PRKCH: variants seen among roughly 807,000 people sequenced by gnomAD.
PRKCH encodes the protein protein kinase C eta.
PRKCH carries 28 observed loss-of-function variants against 82.5 expected under a neutral mutation model. The ratio of observed to expected loss-of-function variants is 0.34; its 90% CI spans 0.25 to 0.47. The LOEUF (loss-of-function observed/expected upper bound fraction) is 0.47. PRKCH is among the 20% of genes least tolerant of loss of function. The pLI is 1.00. For synonymous variants in PRKCH, 322 were observed against 327.4 expected, an observed-to-expected ratio of 0.98 and a Z score of 0.18; for missense variants, 705 against 881.8, an observed-to-expected ratio of 0.80 and a Z score of 2.54.
intron 12 of PRKCH, among the ~76,000 whole-genome samples, chr14:61,540,955 T>C (rs1163105818): frequency 6.6e-6 from 1 of 152,250 alleles, no homozygotes. Context: ...GTCTGTTGTC[T>C]GTCCTTTCCA....
chr14:61,262,645 A>T (rs1247154264), intron 1 of PRKCH, among the ~76,000 whole-genome samples: 1 of 152,194 alleles, frequency 6.6e-6, no homozygotes, highest in Non-Finnish European at 1.5e-5. Flanking sequence ...GACAAAATGC[A>T]TGGAGCTGAA....
chr14:61,483,100 T>G (rs1218273842), intron 9 of PRKCH, among the ~76,000 whole-genome samples: 1 of 152,236 alleles, frequency 6.6e-6, no homozygotes, highest in Non-Finnish European at 1.5e-5. Flanking sequence ...CAGAGATGAT[T>G]CAGGGTGGCT....
chr14:61,368,611 G>A (rs2046328615), intron 1 of PRKCH, among the ~76,000 whole-genome samples: 1 of 152,130 alleles, frequency 6.6e-6, no homozygotes, highest in Non-Finnish European at 1.5e-5. Context: ...TTTCCCATCA[G>A]TGAAAACAGA....
intron 1 of PRKCH, among the ~76,000 whole-genome samples, chr14:61,237,086 A>C (rs1200108930): frequency 1.3e-5 from 2 of 151,930 alleles, no homozygotes; most frequent in Admixed American, 1.3e-4. Flanking sequence ...GGGTCTGGAT[A>C]CAGACCCCCT....
Position 61,416,671 on chromosome 14 carries a change from C to T in PRKCH, c.427+25383C>T, listed in dbSNP as rs145774991. On this transcript the variant is annotated intron_variant, in intron 2 of 13. Transcript: ENST00000332981. Reference sequence around the variant, plus strand: ...TCTCTCTTTCCTCTCCCCACCCCTGCTTCTCTCTCCTGTCCCTTTCCCCCT... The same window carrying T: ...TCTCTCTTTCCTCTCCCCACCCCTGTTTCTCTCTCCTGTCCCTTTCCCCCT... Among the ~76,000 whole-genome samples the T allele has an allele frequency of 9.6e-3, 1,459 of 152,006 alleles. 25 individuals are homozygous for T. Among genetic ancestry groups the T allele is most frequent in the African/African-American group, 0.034 (1,393 of 41,396 alleles).
rs994241609 is a variant in PRKCH at position 61,549,675 on chromosome 14, T to A, written c.1906-10T>A. On this transcript the variant is annotated splice_polypyrimidine_tract_variant and intron_variant, in intron 13 of 13. Coordinates refer to ENST00000332981, the MANE Select transcript of PRKCH (RefSeq NM_006255.5). ...AAATCTCACCCTTGTTTCCCTTTTT[T>A]TTTTGGCAGAAATCCCGAGAAGATG... 3.7e-6 allele frequency: 6 copies of A among 1,609,652 alleles called. No individual in the cohort carries two copies. The highest frequency in any genetic ancestry group is 5.1e-6 in the Non-Finnish European group (6 of 1,179,414).
upstream of PRKCH, among the ~76,000 whole-genome samples, chr14:61,319,020 C>T (rs2045586292): frequency 6.6e-6 from 1 of 152,136 alleles, no homozygotes; most frequent in South Asian, 2.1e-4. Context: ...AACACAAATC[C>T]TCATCTTACC....
chr14:61,466,200 A>G (rs8008464), intron 9 of PRKCH, among the ~76,000 whole-genome samples: 17,415 of 152,100 alleles, frequency 0.11, 1,956 homozygotes, highest in African/African-American at 0.29. Flanking sequence ...TTTCCTATTT[A>G]CCAAATTTGG....
At chr14:61,513,337 G>A (rs867018091) in intron 10 of PRKCH, among the ~76,000 whole-genome samples, 1 of 152,168 alleles carries the variant, frequency 6.6e-6, no homozygotes, top group South Asian at 2.1e-4. Flanking sequence ...AATAAGCATG[G>A]AGAAGATCTG....
chr14:61,526,432 G>T (rs534847777), intron 10 of PRKCH, among the ~76,000 whole-genome samples: 1 of 152,214 alleles, frequency 6.6e-6, no homozygotes, highest in Non-Finnish European at 1.5e-5. Flanking sequence ...TGAAAGCTTT[G>T]CTGCTTTAAC....
chr14:61,550,200 C>A lies in PRKCH; in HGVS notation c.*369C>A. 5.7e-6 allele frequency: 1 copy of A among 176,234 alleles called. No individual in the cohort carries two copies. The highest frequency in any genetic ancestry group is 1.2e-5 in the Non-Finnish European group (1 of 82,608). 10.9% of individuals were successfully genotyped at this position (176,234 alleles called of 1,614,324 possible). On this transcript the variant is annotated 3_prime_UTR_variant, in exon 14 of 14. Transcript: ENST00000332981. ...TCTTAATTCAAGAGACAAACCAAGACGTTCTGTCAACTGTGCTGTGCTCTT... is the reference window on the plus strand; with the variant it reads ...TCTTAATTCAAGAGACAAACCAAGAAGTTCTGTCAACTGTGCTGTGCTCTT...
chr14:61,521,664 C>T (rs2042908380), intron 10 of PRKCH, among the ~76,000 whole-genome samples: 1 of 151,934 alleles, frequency 6.6e-6, no homozygotes, highest in African/African-American at 2.4e-5. Flanking sequence ...ACCTCCCAGG[C>T]TCAAGTGATC....
chr14:61,440,514 A>C (rs746869606), intron 2 of PRKCH, among the ~76,000 whole-genome samples: 1 of 152,024 alleles, frequency 6.6e-6, no homozygotes, highest in Non-Finnish European at 1.5e-5. Flanking sequence ...TCTGCATTTC[A>C]CTCTTTGAGA....
At chr14:61,517,737 C>G (rs1566924955) in intron 10 of PRKCH, among the ~76,000 whole-genome samples, 3 of 152,204 alleles carry the variant, frequency 2.0e-5, no homozygotes, top group Non-Finnish European at 4.4e-5. Context: ...TTATTCTGTG[C>G]CACAGCCACC....
intron 1 of PRKCH, chr14:61,281,784 C>T: frequency 6.3e-6 from 1 of 159,474 alleles, no homozygotes. Flanking sequence ...CGCTTTCGCC[C>T]AGCTTTCAGT....
Position 61,255,123 on chromosome 14 carries a change from C to T in PRKCH, c.-19+67455C>T, listed in dbSNP as rs994035993. Among the ~76,000 whole-genome samples, 4 of 152,208 alleles carry T rather than the reference C, an allele frequency of 2.6e-5. No homozygotes were observed. In the East Asian group the frequency reaches 7.7e-4, roughly 29 times the overall value. On this transcript the variant is annotated intron_variant, in intron 1 of 3. Coordinates refer to the PRKCH transcript ENST00000555185. ...GGCTGGAGTTGTGAACCCAGAATAG[C>T]AAATTCAATTCCTCTCAAATCAGTT...
chr14:61,398,117 A>T (rs1408866798), intron 2 of PRKCH, among the ~76,000 whole-genome samples: 1 of 152,228 alleles, frequency 6.6e-6, no homozygotes, highest in Non-Finnish European at 1.5e-5. Flanking sequence ...CCTAATGTCA[A>T]TCTTTATTCT....
intron 1 of PRKCH, among the ~76,000 whole-genome samples, chr14:61,353,169 A>G (rs1444067502): frequency 6.6e-6 from 1 of 152,218 alleles, no homozygotes; most frequent in Non-Finnish European, 1.5e-5. Context: ...CTGTATAGCC[A>G]AAGTGGGGAA....
chr14:61,201,170 CCTA>C (rs1361571416), intron 1 of PRKCH, among the ~76,000 whole-genome samples: 1 of 152,052 alleles, frequency 6.6e-6, no homozygotes, highest in Non-Finnish European at 1.5e-5. Context: ...ATTCACGTGA[CCTA>C]ATAATAATAA....
Sources: allele counts gnomAD v4.1 joint callset (sites outside exome capture counted in the v4.1 genomes callset), GRCh38; gene constraint gnomAD v4.1.1; transcripts MANE v1.5; gene names NCBI Gene and HGNC (gene_info 2026-07-23, HGNC 2026-07-21).